CABP5: variants seen among roughly 807,000 people sequenced by gnomAD.
CABP5 encodes the protein calcium-binding protein 5.
In CABP5, 17 loss-of-function variants were observed where a neutral mutation model predicts 21.9. The ratio of observed to expected loss-of-function variants is 0.78; its 90% confidence interval spans 0.53 to 1.17. CABP5 has a LOEUF of 1.17. Ranked by LOEUF, CABP5 falls within the 50% of genes most tolerant of loss-of-function variation. The probability of loss-of-function intolerance (pLI) is 0.00; values close to 1 mark genes in which losing one functional copy is unlikely to be tolerated. For missense variants in CABP5, 229 were observed against 228.9 expected (o/e 1.00, Z 0.00); for synonymous variants, 85 against 79.4 (o/e 1.07, Z -0.37).
chr19:48,036,565 C>T (rs769286816), intron 4 of CABP5, among the ~76,000 whole-genome samples: 12 of 152,168 alleles, frequency 7.9e-5, no homozygotes, highest in African/African-American at 1.2e-4. Flanking sequence ...GTTTCAGTTA[C>T]GCAAGATAGG....
intron 4 of CABP5, among the ~76,000 whole-genome samples, chr19:48,038,688 G>A (rs1164159421): frequency 6.6e-6 from 1 of 152,104 alleles, no homozygotes; most frequent in African/African-American, 2.4e-5. Context: ...TTAGCTGGGT[G>A]TGGTATCGCG....
chr19:48,037,285 T>TTTTTG (rs1967422079), intron 4 of CABP5, among the ~76,000 whole-genome samples: 1 of 131,578 alleles, frequency 7.6e-6, no homozygotes, highest in African/African-American at 3.2e-5. Flanking sequence ...TTTTTTTTTT[T>TTTTTG]GAGGTGGAGT....
At chr19:48,043,494 C>T (rs922596415) in intron 1 of CABP5, among the ~76,000 whole-genome samples, 6 of 5,260 alleles carry the variant, frequency 1.1e-3, no homozygotes, top group African/African-American at 4.2e-3. Flanking sequence ...TAATAAGTGG[C>T]AGCTATTGTT....
chr19:48,032,901 A>T (rs1967358778), intron 5 of CABP5, among the ~76,000 whole-genome samples: 1 of 151,646 alleles, frequency 6.6e-6, no homozygotes, highest in African/African-American at 2.4e-5. Context: ...AAAGTGCTGA[A>T]ATTACAGGCA....
chr19:48,035,020 A>C (rs1412748829), intron 4 of CABP5, among the ~76,000 whole-genome samples: 1 of 152,086 alleles, frequency 6.6e-6, no homozygotes, highest in Non-Finnish European at 1.5e-5. Flanking sequence ...TGAAACATAC[A>C]TTATTATTTA....
At chr19:48,032,256 G>A (rs1280601625) in intron 5 of CABP5, among the ~76,000 whole-genome samples, 1 of 152,038 alleles carries the variant, frequency 6.6e-6, no homozygotes, top group Non-Finnish European at 1.5e-5. Flanking sequence ...TCAGAGAATA[G>A]CTACAGAAGA....
At chr19:48,034,845 C>T (rs138572659) in intron 4 of CABP5, among the ~76,000 whole-genome samples, 1 of 151,916 alleles carries the variant, frequency 6.6e-6, no homozygotes, top group Admixed American at 6.6e-5. Context: ...TGTGCCCGGC[C>T]GAAACTTTTT....
chr19:48,042,705 G>A lies in CABP5; in HGVS notation c.64-1102C>T, dbSNP rs867118081. On this transcript the variant is annotated intron_variant, in intron 1 of 5. Coordinates refer to ENST00000293255, the MANE Select transcript of CABP5 (RefSeq NM_019855.5). ...TTCTCCTGCCTCAGCCTCCCGAGTA[G>A]CTGGGATTACAGGCGCCTGCCACTG... Among the ~76,000 whole-genome samples the A allele has an allele frequency of 3.3e-5, 5 of 151,838 alleles. No individual in the cohort carries two copies. In the South Asian group the frequency reaches 1.0e-3, roughly 32 times the overall value.
At chr19:48,043,826 G>GC in intron 1 of CABP5, 34 bp downstream of exon 1, 1 of 1,457,098 alleles carries the variant, frequency 6.9e-7, no homozygotes, top group Non-Finnish European at 9.1e-7. Context: ...CCTTTGCCCC[G>GC]CCCACCGCCC....
chr19:48,042,770 T>TC (rs111915751), intron 1 of CABP5, among the ~76,000 whole-genome samples: 7 of 152,124 alleles, frequency 4.6e-5, no homozygotes, highest in African/African-American at 1.4e-4. Flanking sequence ...AGACAGGGTT[T>TC]CACCATCTTG....
intron 2 of CABP5, 148 bp from the exon 3 acceptor site, chr19:48,040,896 G>GC (rs1967473180): frequency 1.2e-5 from 9 of 770,644 alleles, no homozygotes; most frequent in Non-Finnish European, 1.8e-5. Context: ...AAAAACCAAG[G>GC]CCGGATGTGG....
chr19:48,035,404 C>A (rs1479808872), intron 4 of CABP5, among the ~76,000 whole-genome samples: 1 of 152,206 alleles, frequency 6.6e-6, no homozygotes, highest in Non-Finnish European at 1.5e-5. Flanking sequence ...TCGAGACCAG[C>A]CTGACCAACA....
At chr19:48,031,140 A>C (rs1353940190) in intron 5 of CABP5, among the ~76,000 whole-genome samples, 2 of 152,158 alleles carry the variant, frequency 1.3e-5, no homozygotes, top group Non-Finnish European at 2.9e-5. Flanking sequence ...CATGTAAATA[A>C]AACATTAAAT....
At chr19:48,034,955 G>A (rs2122366193) in intron 4 of CABP5, among the ~76,000 whole-genome samples, 1 of 152,168 alleles carries the variant, frequency 6.6e-6, no homozygotes, top group Non-Finnish European at 1.5e-5. Context: ...TAGGCTTACA[G>A]TCCTGAGCCA....
intron 5 of CABP5, 146 bp from the exon 6 acceptor site, chr19:48,030,728 T>A: frequency 1.3e-6 from 1 of 773,308 alleles, no homozygotes; most frequent in South Asian, 1.7e-5. Flanking sequence ...TCTCCATCTA[T>A]GAAATGGGAA....
At chr19:48,041,496 G>A (rs3745745) in intron 2 of CABP5, 77 bp downstream of exon 2, 1,224,742 of 1,328,330 alleles carry the variant, frequency 0.92, 565,211 homozygotes, top group South Asian at 0.95. Context: ...GAATTTATAC[G>A]GAAATGCACA....
In CABP5 at chr19:48,030,685, T is replaced by C. The variant is rs1423948656; in HGVS notation, c.497-103A>G. ...TGTGGCAGGCACTGCTGGTGATCCC[T>C]GGGAAATTACTTAATCCCTCTATGC... On this transcript the variant is annotated intron_variant, in intron 5 of 5. Transcript: ENST00000293255. The C allele has an allele frequency of 6.4e-6, 7 of 1,097,360 alleles. No homozygotes were observed. In the Middle Eastern group the frequency reaches 6.1e-4, roughly 95 times the overall value. 68.0% of individuals were successfully genotyped at this position (1,097,360 alleles called of 1,614,324 possible).
At chr19:48,042,606 G>A (rs1455883907) in intron 1 of CABP5, among the ~76,000 whole-genome samples, 5 of 140,802 alleles carry the variant, frequency 3.6e-5, no homozygotes, top group Admixed American at 2.9e-4. Context: ...ACACAGTCTC[G>A]CTCTGTCACC....
rs1967312156 is a variant in CABP5, at chr19:48,029,721, G to T, written c.*836C>A. On this transcript the variant is annotated 3_prime_UTR_variant, in exon 6 of 6. Transcript: ENST00000293255. ...GCTAGCTCTAAACCTTGATAATCCA[G>T]ATTTGTGGTTTAATTCAGTCCCCTG... Among the ~76,000 whole-genome samples, 1 of 151,802 alleles carries T rather than the reference G, an allele frequency of 6.6e-6. No individual in the cohort carries two copies. Among genetic ancestry groups the T allele is most frequent in the South Asian group, 2.1e-4 (1 of 4,810 alleles).
Sources: gnomAD v4.1 joint callset for allele counts (sites outside exome capture counted in the v4.1 genomes callset) on GRCh38, gnomAD v4.1.1 for gene constraint, MANE v1.5 for transcripts, NCBI Gene and HGNC (gene_info 2026-07-23, HGNC 2026-07-21) for gene names.